HNRNPU: variants seen among roughly 807,000 people sequenced by gnomAD.
HNRNPU encodes heterogeneous nuclear ribonucleoprotein U, also known as HNRNPU antisense RNA 1.
In HNRNPU, 5 loss-of-function variants were observed where a neutral mutation model predicts 94.7. That is an observed-to-expected ratio of 0.05 (90% CI 0.03 to 0.11). HNRNPU has a LOEUF of 0.11. Among genes scored for constraint, HNRNPU ranks in the 10% least tolerant of loss-of-function variants. The probability of loss-of-function intolerance (pLI) is 1.00; values close to 1 mark genes in which losing one functional copy is unlikely to be tolerated. For missense variants in HNRNPU, 710 were observed against 1,049.2 expected, an observed-to-expected ratio of 0.68 and a Z score of 4.47; for synonymous variants, 434 against 381.6, an observed-to-expected ratio of 1.14 and a Z score of -1.60.
At chr1:244,860,167 G>A (rs1002090274) in intron 4 of HNRNPU, 168 bp downstream of exon 4, 2 of 553,024 alleles carry the variant, frequency 3.6e-6, no homozygotes, top group Non-Finnish European at 6.3e-6. Context: ...AGGTGTGGTA[G>A]TGTGTGCCTC....
Position 244,864,154 on chromosome 1 carries a change from C to G in HNRNPU, c.154G>C (p.Ala52Pro). Residue 52 changes from alanine to proline, a missense_variant, in exon 1 of 14, where the codon GCC becomes CCC. Ala to Pro is a conservative substitution (Grantham distance 27, BLOSUM62 -1). This residue lies in a region of HNRNPU where 292 missense variants were observed against 293.4 expected (regional missense o/e 1.00). Transcript: ENST00000640218. ...AGGCTGCCGTTCCCGGGCTCCATGGCGGGGCGGCCCCCGGCCTCCTCGTCG... is the reference window on the plus strand; with the variant it reads ...AGGCTGCCGTTCCCGGGCTCCATGGGGGGGCGGCCCCCGGCCTCCTCGTCG... Reference protein sequence around the residue: ...LDDEEAGGRPAMEPGNGSLDL... With the variant: ...LDDEEAGGRPPMEPGNGSLDL... The G allele has an allele frequency of 6.2e-7, 1 of 1,604,374 alleles. No individual in the cohort carries two copies.
intron 3 of HNRNPU, 53 bp downstream of exon 3, chr1:244,862,408 A>AC (rs1269527469): frequency 1.2e-5 from 15 of 1,280,660 alleles, no homozygotes; most frequent in Admixed American, 2.4e-5. Context: ...AAAAAAAAAA[A>AC]AAAAAACCAC....
Position 244,863,922 on chromosome 1 carries a change from T to C in HNRNPU, c.386A>G (p.Glu129Gly), listed in dbSNP as rs1435707336. The change falls in exon 1 of 14, where the codon GAA becomes GGA. Residue 129 changes from glutamate (E) to glycine (G), a missense_variant. Transcript: ENST00000640218. Reference protein sequence around the residue: ...GPMEEEEAASEDENGDDQGFQ... With the variant: ...GPMEEEEAASGDENGDDQGFQ... Reference sequence around the variant, plus strand: ...ACCCTGATCGTCGCCGTTCTCGTCTTCCGAGGCGGCCTCCTCCTCCTCCAT... The same window carrying C: ...ACCCTGATCGTCGCCGTTCTCGTCTCCCGAGGCGGCCTCCTCCTCCTCCAT... 4 of 1,613,626 alleles carry C rather than the reference T, an allele frequency of 2.5e-6. No individual in the cohort carries two copies. Among genetic ancestry groups the C allele is most frequent in the Non-Finnish European group, 3.4e-6 (4 of 1,179,916 alleles).
rs1357163375 is a variant in HNRNPU at position 244,857,851 on chromosome 1, A to G, written c.1495-134T>C. ...CTAACGGACAAAAATTTGTTTATGGAAAGATTAACAGTCAACATAAGGGGG... is the reference window on the plus strand; with the variant it reads ...CTAACGGACAAAAATTTGTTTATGGGAAGATTAACAGTCAACATAAGGGGG... On this transcript the variant is annotated intron_variant, in intron 7 of 13. Coordinates refer to ENST00000640218, the MANE Select transcript of HNRNPU (RefSeq NM_031844.3). 5.2e-6 allele frequency: 7 copies of G among 1,341,896 alleles called. No individual in the cohort carries two copies. In the East Asian group the frequency reaches 1.2e-4, roughly 22 times the overall value. The allele number at this position is 1,341,896 out of a possible 1,614,324, so 83.1% of individuals were successfully genotyped here.
At chr1:244,862,791 G>C (rs574556562) in intron 1 of HNRNPU, 61 bp from the exon 2 acceptor site, 2 of 1,260,558 alleles carry the variant, frequency 1.6e-6, no homozygotes, top group South Asian at 2.4e-5. Context: ...ACGCTTTTCC[G>C]TTCCGAGAAC....
intron 3 of HNRNPU, chr1:244,861,733 T>G (rs1680835964): frequency 8.4e-6 from 1 of 119,396 alleles, no homozygotes; most frequent in Non-Finnish European, 1.7e-5. Flanking sequence ...CAACTACGTT[T>G]TTTTGTAACA....
Position 244,864,260 on chromosome 1 carries a change from C to G in HNRNPU, c.48G>C (p.Leu16=), listed in dbSNP as rs1680940879. The G allele has an allele frequency of 1.9e-6, 3 of 1,613,286 alleles. No individual in the cohort carries two copies. The highest frequency in any genetic ancestry group is 2.5e-6 in the Non-Finnish European group (3 of 1,179,814). ...GGCGTCGCTTCTTGAGCTCCTCTTT[C>G]AGCTCCGACACCTTCAGCTTTTTTA... The part of the protein sequence containing the change: ...VNVKKLKVSE[L]KEELKKRRLS... The change falls in exon 1 of 14, where the codon CTG becomes CTC. Residue 16 remains leucine (L), a synonymous_variant. Coordinates refer to ENST00000640218, the MANE Select transcript of HNRNPU (RefSeq NM_031844.3).
intron 8 of HNRNPU, chr1:244,857,083 G>GA (rs977208054): frequency 4.6e-5 from 18 of 388,410 alleles, no homozygotes; most frequent in East Asian, 3.6e-4. Context: ...AAACACTACG[G>GA]AAAAAAACAG....
intron 1 of HNRNPU, 142 bp downstream of exon 1, chr1:244,863,475 T>A (rs1680908018): frequency 6.6e-6 from 7 of 1,068,432 alleles, no homozygotes. Flanking sequence ...AATCTGGGAT[T>A]CCCCGCGCCC....
At chr1:244,857,374 G>A in intron 8 of HNRNPU, 2 of 427,588 alleles carry the variant, frequency 4.7e-6, no homozygotes, top group Non-Finnish European at 8.3e-6. Flanking sequence ...AACCTCCCGA[G>A]CAGCTGGGAT....
chr1:244,858,119 C>A lies in HNRNPU; in HGVS notation c.1386G>T (p.Lys462Asn), dbSNP rs2102986662. The change falls in exon 7 of 14, where the codon AAG (lysine) becomes AAT (asparagine). Residue 462 changes from lysine to asparagine, a missense_variant. Physicochemically the swap from Lys to Asn is moderately conservative, Grantham distance 94. Coordinates refer to ENST00000640218, the MANE Select transcript of HNRNPU (RefSeq NM_031844.3). ...CAGGTATTGGAAAATATGGCTTTTC[C>A]TTCTGACCAAAATTAAATTCAACTG... ...NCAVEFNFGQKEKPYFPIPEE... is the reference protein window; with the variant it reads ...NCAVEFNFGQNEKPYFPIPEE... 6.2e-7 allele frequency: 1 copy of A among 1,614,086 alleles called. No individual in the cohort carries two copies. Among genetic ancestry groups the A allele is most frequent in the East Asian group, 2.2e-5 (1 of 44,876 alleles).
In HNRNPU at chr1:244,864,161, G is replaced by A. The variant is rs759067634; in HGVS notation, c.147C>T (p.Gly49=). Residue 49 remains glycine (G), a synonymous_variant, in exon 1 of 14, where the codon GGC becomes GGT. Transcript: ENST00000640218. ...CGTTCCCGGGCTCCATGGCGGGGCGGCCCCCGGCCTCCTCGTCGTCCAGCG... is the reference window on the plus strand; with the variant it reads ...CGTTCCCGGGCTCCATGGCGGGGCGACCCCCGGCCTCCTCGTCGTCCAGCG... ...QAALDDEEAG[G]RPAMEPGNGS... is the part of the protein sequence containing the mutation. 2 of 1,604,692 alleles carry A rather than the reference G, an allele frequency of 1.2e-6. No individual in the cohort carries two copies. The highest frequency in any genetic ancestry group is 1.7e-6 in the Non-Finnish European group (2 of 1,176,112).
chr1:244,863,954 C>G lies in HNRNPU; in HGVS notation c.354G>C (p.Ser118=). 2 of 1,613,610 alleles carry G rather than the reference C, an allele frequency of 1.2e-6. No homozygotes were observed. Among genetic ancestry groups the G allele is most frequent in the Non-Finnish European group, 1.7e-6 (2 of 1,179,852 alleles). Residue 118 remains serine, a synonymous_variant, in exon 1 of 14, where the codon TCG becomes TCC. Transcript: ENST00000640218. ...EENGAAGAAD[S]GPMEEEEAAS... is the part of the protein sequence containing the mutation. ...CGGCCTCCTCCTCCTCCATCGGGCC[C>G]GAGTCGGCCGCCCCCGCGGCCCCGT...
chr1:244,859,197 T>A, intron 5 of HNRNPU, 78 bp downstream of exon 5: 2 of 746,414 alleles, frequency 2.7e-6, no homozygotes, highest in Non-Finnish European at 4.8e-6. Context: ...AGGCTTAGAA[T>A]GCCCTCTAGT....
In HNRNPU at chr1:244,850,723, T is replaced by C. The variant is rs545926214; in HGVS notation, c.*3727A>G. 1 of 152,308 alleles carries C rather than the reference T, an allele frequency of 6.6e-6. No homozygotes were observed. Among genetic ancestry groups the C allele is most frequent in the Non-Finnish European group, 1.5e-5 (1 of 68,026 alleles). The allele number at this position is 152,308 out of a possible 1,614,324, so 9.4% of individuals were successfully genotyped here. A position where few individuals can be genotyped will look rare whatever the true frequency, so the allele number is the denominator to read the frequency against. On this transcript the variant is annotated 3_prime_UTR_variant, in exon 14 of 14. Transcript: ENST00000640218. ...ACCTATTGTCAGGCCTTAACATGTATGTGTTTGCTTTTATTATTACTAAAA... is the reference window on the plus strand; with the variant it reads ...ACCTATTGTCAGGCCTTAACATGTACGTGTTTGCTTTTATTATTACTAAAA...
At chr1:244,863,394 C>CCA in intron 1 of HNRNPU, among the ~76,000 whole-genome samples, 1 of 133,448 alleles carries the variant, frequency 7.5e-6, no homozygotes, top group Non-Finnish European at 1.6e-5. Context: ...CTGCCACCGC[C>CCA]GACACACACA....
chr1:244,860,068 A>C, intron 4 of HNRNPU: 1 of 351,402 alleles, frequency 2.8e-6, no homozygotes. Flanking sequence ...TGGGACGCCG[A>C]GACAGTGGAT....
intron 6 of HNRNPU, 191 bp downstream of exon 6, chr1:244,858,538 G>A (rs535631818): frequency 8.7e-5 from 53 of 608,352 alleles, no homozygotes; most frequent in Middle Eastern, 4.3e-4. Context: ...CAGTCAAAAT[G>A]AATTAGTGAG....
At chr1:244,860,148 A>T (rs1038316178) in intron 4 of HNRNPU, 187 bp downstream of exon 4, 2 of 487,280 alleles carry the variant, frequency 4.1e-6, no homozygotes, top group Admixed American at 8.1e-5. Context: ...AAAAATACAA[A>T]AATTAGCCAG....
Sources: allele counts gnomAD v4.1 joint callset (sites outside exome capture counted in the v4.1 genomes callset), GRCh38; gene constraint gnomAD v4.1.1; regional missense constraint gnomAD v4.1.1; transcripts MANE v1.5; gene names NCBI Gene and HGNC (gene_info 2026-07-23, HGNC 2026-07-21).